Variants in THADA observed in about 807,000 individuals in gnomAD.
THADA encodes the protein tRNA (32-2'-O)-methyltransferase regulator THADA.
A neutral mutation model predicts 219.8 loss-of-function variants in THADA; 213 were observed. The ratio of observed to expected loss-of-function variants is 0.97; its 90% CI spans 0.87 to 1.09. The LOEUF is 1.09. Ranked by LOEUF, THADA falls within the 50% of genes least tolerant of loss-of-function variation. The pLI, the probability that THADA is intolerant of heterozygous loss-of-function variation, is 0.00. For synonymous variants in THADA, 1,018 were observed against 828.9 expected (o/e 1.23, Z -3.92); for missense variants, 2,956 against 2,311.3 (o/e 1.28, Z -5.72).
At chr2:43,558,333 G>C (rs1558969417) in intron 16 of THADA, among the ~76,000 whole-genome samples, 1 of 152,106 alleles carries the variant, frequency 6.6e-6, no homozygotes, top group Non-Finnish European at 1.5e-5. Flanking sequence ...TATTATATAA[G>C]GGACACCCAA....
At chr2:43,317,762 A>G (rs1678242710) in intron 31 of THADA, among the ~76,000 whole-genome samples, 1 of 152,262 alleles carries the variant, frequency 6.6e-6, no homozygotes, top group African/African-American at 2.4e-5. Flanking sequence ...ATTCATACAT[A>G]TACATAAATA....
chr2:43,515,268 A>ATTATATATAATATATAATATG (rs1691477508), intron 22 of THADA, among the ~76,000 whole-genome samples: 1 of 73,554 alleles, frequency 1.4e-5, no homozygotes, highest in Non-Finnish European at 2.4e-5. Flanking sequence ...TATATAATAT[A>ATTATATATAATATATAATATG]TAATATATAA....
intron 36 of THADA, among the ~76,000 whole-genome samples, chr2:43,252,391 G>A (rs1330547514): frequency 2.0e-5 from 3 of 152,142 alleles, no homozygotes; most frequent in Admixed American, 6.5e-5. Flanking sequence ...GTACTTATGT[G>A]CAAGGCACTA....
intron 8 of THADA, among the ~76,000 whole-genome samples, 177 bp downstream of exon 8, chr2:43,581,564 G>A (rs76586103): frequency 2.9e-3 from 341 of 117,082 alleles, no homozygotes; most frequent in Middle Eastern, 0.013. Flanking sequence ...AAAAAGAAAA[G>A]AAAAAAAAAA....
At chr2:43,516,442 T>C (rs931348409) in intron 22 of THADA, among the ~76,000 whole-genome samples, 1 of 152,140 alleles carries the variant, frequency 6.6e-6, no homozygotes, top group Admixed American at 6.6e-5. Context: ...ATACCTACCC[T>C]AAGCCCAAGC....
At chr2:43,584,948 T>C (rs2104126730) in intron 7 of THADA, among the ~76,000 whole-genome samples, 1 of 152,242 alleles carries the variant, frequency 6.6e-6, no homozygotes, top group Admixed American at 6.5e-5. Flanking sequence ...ATTAGGTAAA[T>C]ACATGCACAG....
chr2:43,516,313 CA>C (rs1428570439), intron 22 of THADA, among the ~76,000 whole-genome samples: 1 of 152,116 alleles, frequency 6.6e-6, no homozygotes, highest in Non-Finnish European at 1.5e-5. Context: ...GAGTAAAAGC[CA>C]AAGTTCTTAC....
intron 29 of THADA, among the ~76,000 whole-genome samples, chr2:43,387,863 G>C (rs1052848857): frequency 2.0e-5 from 3 of 152,152 alleles, no homozygotes; most frequent in African/African-American, 7.2e-5. Flanking sequence ...AGAAATGCAA[G>C]AATGTCATGA....
chr2:43,322,511 A>G (rs996976062), intron 30 of THADA, among the ~76,000 whole-genome samples: 10 of 150,948 alleles, frequency 6.6e-5, no homozygotes, highest in African/African-American at 2.2e-4. Context: ...CTCAAAAATA[A>G]ATAAATAAAT....
At chr2:43,262,036 T>G (rs1407042745) in intron 36 of THADA, among the ~76,000 whole-genome samples, 1 of 152,226 alleles carries the variant, frequency 6.6e-6, no homozygotes, top group Non-Finnish European at 1.5e-5. Context: ...CCTCTCAAAG[T>G]GCTGGGTGTG....
chr2:43,236,201 C>T (rs1161307650), intron 36 of THADA, among the ~76,000 whole-genome samples: 1 of 152,148 alleles, frequency 6.6e-6, no homozygotes, highest in African/African-American at 2.4e-5. Context: ...GTGATGTGGC[C>T]AGAAGTGGGT....
chr2:43,442,221 A>T (rs546242826), intron 26 of THADA, among the ~76,000 whole-genome samples: 117 of 152,260 alleles, frequency 7.7e-4, no homozygotes, highest in South Asian at 2.5e-3. Flanking sequence ...GGATCCCTTG[A>T]CGTCAGGAGT....
At chr2:43,586,573 G>A in intron 6 of THADA, 124 bp from the exon 7 acceptor site, 2 of 1,316,000 alleles carry the variant, frequency 1.5e-6, no homozygotes, top group Non-Finnish European at 2.1e-6. Flanking sequence ...AAATTTAAAA[G>A]GAAGGGTCAT....
At chr2:43,249,931 T>C (rs1248521662) in intron 36 of THADA, among the ~76,000 whole-genome samples, 2 of 152,212 alleles carry the variant, frequency 1.3e-5, no homozygotes, top group Admixed American at 6.5e-5. Context: ...TGGGGATAGG[T>C]TGGAACATGC....
chr2:43,446,301 G>T (rs1188800954), intron 26 of THADA, among the ~76,000 whole-genome samples: 1 of 152,206 alleles, frequency 6.6e-6, no homozygotes, highest in African/African-American at 2.4e-5. Flanking sequence ...TTCCTTCGAA[G>T]AAGTGGGTCT....
chr2:43,458,561 C>T (rs1375838402), intron 26 of THADA, among the ~76,000 whole-genome samples: 1 of 152,026 alleles, frequency 6.6e-6, no homozygotes, highest in Non-Finnish European at 1.5e-5. Context: ...CTGATTCGAC[C>T]GCCTATCTCT....
chr2:43,286,795 C>CA, intron 35 of THADA, 113 bp downstream of exon 35: 1 of 1,202,810 alleles, frequency 8.3e-7, no homozygotes, highest in Non-Finnish European at 1.2e-6. Flanking sequence ...AACTGAAAGA[C>CA]ATAAAGGCAG....
chr2:43,533,970 T>G (rs1476015680), intron 21 of THADA, among the ~76,000 whole-genome samples: 1 of 152,050 alleles, frequency 6.6e-6, no homozygotes, highest in African/African-American at 2.4e-5. Context: ...CTACAAATAA[T>G]CCACAAATGA....
Position 43,570,446 on chromosome 2 carries a change from C to T in THADA, c.2129G>A (p.Arg710His), listed in dbSNP as rs755411685. 36 of 1,613,408 alleles carry T rather than the reference C, an allele frequency of 2.2e-5. No individual in the cohort carries two copies. The highest frequency in any genetic ancestry group is 2.9e-5 in the Non-Finnish European group (34 of 1,179,644). Reference protein sequence around the residue: ...LYKLEQSKSKREPENELTKQH... With the variant: ...LYKLEQSKSKHEPENELTKQH... ...TTTGGTTAACTCATTCTCTGGTTCA[C>T]GTTTGGATTTACTCTGCTCCAATTT... The change falls in exon 14 of 38, where the codon CGT becomes CAT. Residue 710 changes from arginine (R) to histidine (H), a missense_variant. By Grantham distance (29) the Arg-to-His change is conservative. Transcript: ENST00000405975.
Sources: allele counts gnomAD v4.1 joint callset (sites outside exome capture counted in the v4.1 genomes callset), GRCh38; gene constraint gnomAD v4.1.1; transcripts MANE v1.5; gene names NCBI Gene and HGNC (gene_info 2026-07-23, HGNC 2026-07-21).